ITPR2: variants seen among roughly 807,000 people sequenced by gnomAD.
The protein encoded by ITPR2 is inositol 1,4,5-trisphosphate receptor type 2, also known as inositol 1,4,5-trisphosphate-gated calcium channel ITPR2.
In ITPR2, 207 loss-of-function variants were observed where a neutral mutation model predicts 317.1. The ratio of observed to expected loss-of-function variants is 0.65; its 90% CI spans 0.58 to 0.73. ITPR2 has a LOEUF of 0.73. Among genes scored for constraint, ITPR2 ranks in the 30% least tolerant of loss-of-function variants. ITPR2 has a pLI of 0.00. For missense variants in ITPR2, 2,613 were observed against 3,284.0 expected (o/e 0.80, Z 4.99); for synonymous variants, 1,156 against 1,149.1 (o/e 1.01, Z -0.12).
intron 52 of ITPR2, among the ~76,000 whole-genome samples, chr12:26,407,137 T>TG (rs1023705614): frequency 6.6e-6 from 1 of 152,108 alleles, no homozygotes; most frequent in Non-Finnish European, 1.5e-5. Context: ...GCCTAAAAGA[T>TG]GGAGACTTTC....
chr12:26,593,740 T>TGG (rs1367818765), intron 32 of ITPR2, among the ~76,000 whole-genome samples: 16 of 28,982 alleles, frequency 5.5e-4, no homozygotes, highest in Non-Finnish European at 1.6e-3. Flanking sequence ...TTTTTTTGTT[T>TGG]TTTTTTTTGT....
At chr12:26,624,830 T>A (rs1293893359) in intron 23 of ITPR2, among the ~76,000 whole-genome samples, 1 of 151,928 alleles carries the variant, frequency 6.6e-6, no homozygotes, top group Non-Finnish European at 1.5e-5. Flanking sequence ...TAATTCTACT[T>A]CTGGGTGTAT....
chr12:26,780,750 C>T (rs1294285182), intron 2 of ITPR2, among the ~76,000 whole-genome samples: 1 of 152,164 alleles, frequency 6.6e-6, no homozygotes, highest in Non-Finnish European at 1.5e-5. Context: ...ATGGAAGTGG[C>T]ACCACTCACC....
intron 37 of ITPR2, among the ~76,000 whole-genome samples, chr12:26,501,382 T>A (rs940995157): frequency 2.0e-5 from 3 of 152,228 alleles, no homozygotes; most frequent in African/African-American, 7.2e-5. Context: ...ATCGTTATAA[T>A]CAACTATATT....
intron 37 of ITPR2, among the ~76,000 whole-genome samples, chr12:26,508,781 G>C (rs907196291): frequency 2.0e-5 from 3 of 152,198 alleles, no homozygotes; most frequent in Admixed American, 6.5e-5. Flanking sequence ...AGGATGTGGA[G>C]AAATTGGGAC....
intron 35 of ITPR2, among the ~76,000 whole-genome samples, chr12:26,557,804 C>G (rs1944704803): frequency 6.6e-6 from 1 of 152,048 alleles, no homozygotes; most frequent in Admixed American, 6.5e-5. Flanking sequence ...TCATAATTTC[C>G]TAAACATTCT....
Position 26,723,886 on chromosome 12 carries a change from C to A in ITPR2, c.366+770G>T, listed in dbSNP as rs143706105. On this transcript the variant is annotated intron_variant, in intron 4 of 56. Transcript: ENST00000381340. ...TCTAGACCTCTGATTTGGCTCTGTG[C>A]TGCGGATCTCCTAGCCAACGATGTA... Among the ~76,000 whole-genome samples, 1,191 of 152,256 alleles carry A rather than the reference C, an allele frequency of 7.8e-3. 5 individuals carry two copies. Among genetic ancestry groups the A allele is most frequent in the Non-Finnish European group, 0.014 (958 of 68,004 alleles).
intron 10 of ITPR2, among the ~76,000 whole-genome samples, chr12:26,694,835 T>C (rs878860682): frequency 6.6e-6 from 1 of 152,218 alleles, no homozygotes; most frequent in Non-Finnish European, 1.5e-5. Flanking sequence ...CATTTTGATA[T>C]GTTAAAGGTT....
Position 26,443,766 on chromosome 12 carries a change from A to G in ITPR2, c.6343-116T>C. On this transcript the variant is annotated intron_variant, in intron 45 of 56. Coordinates refer to ENST00000381340, the MANE Select transcript of ITPR2 (RefSeq NM_002223.4). ...GCTTCAGAGTCCTAGGGTTAAGGAC[A>G]ATTAGTTACACTTCAGGAAAGCATG... 3 of 626,384 alleles carry G rather than the reference A, an allele frequency of 4.8e-6. No homozygotes were observed. The East Asian group carries it at 8.8e-5, about 18-fold the overall frequency. The allele number at this position is 626,384 out of a possible 1,614,324, so 38.8% of individuals were successfully genotyped here.
chr12:26,436,298 C>T lies in ITPR2; in HGVS notation c.6692G>A (p.Ser2231Asn), dbSNP rs191665433. 1.8e-5 allele frequency: 29 copies of T among 1,613,280 alleles called. No individual in the cohort carries two copies. The Admixed American group carries it at 3.0e-4, about 17-fold the overall frequency. ...GAACACAGCCAGGTTGAAGGAAATGCTCCCCCAGAGAGAGATGTGCCTCGA... is the reference window on the plus strand; with the variant it reads ...GAACACAGCCAGGTTGAAGGAAATGTTCCCCCAGAGAGAGATGTGCCTCGA... ...WFSRHISLWG[S>N]ISFNLAVFIN... The change falls in exon 48 of 57, where the codon AGC becomes AAC. Residue 2231 changes from serine (S) to asparagine (N), a missense_variant. By Grantham distance (46) the Ser-to-Asn change is conservative (BLOSUM62 1). Coordinates refer to ENST00000381340, the MANE Select transcript of ITPR2 (RefSeq NM_002223.4).
rs540449280 is a variant in ITPR2, at chr12:26,586,304, C to T, written c.4381-6149G>A. Among the ~76,000 whole-genome samples, 7 of 151,826 alleles carry T rather than the reference C, an allele frequency of 4.6e-5. No homozygotes were observed. In the South Asian group the frequency reaches 1.3e-3, roughly 27 times the overall value. The stretch of plus-strand genomic sequence containing the variant: ...GGACTACAGGCATATACCACCATGC[C>T]GAGCTTATTTTTTTGTAGAGACAGG... On this transcript the variant is annotated intron_variant, in intron 32 of 56. Transcript: ENST00000381340.
chr12:26,350,931 C>T (rs879277710), intron 55 of ITPR2, among the ~76,000 whole-genome samples: 1 of 152,184 alleles, frequency 6.6e-6, no homozygotes, highest in Non-Finnish European at 1.5e-5. Flanking sequence ...CTGCCCATTC[C>T]CAGCCAACAG....
chr12:26,689,901 T>C (rs886659027), intron 10 of ITPR2, among the ~76,000 whole-genome samples: 1 of 152,202 alleles, frequency 6.6e-6, no homozygotes, highest in African/African-American at 2.4e-5. Context: ...TTGTTTTTAA[T>C]GATATCCCCA....
chr12:26,378,379 T>C (rs1939407107), intron 55 of ITPR2, among the ~76,000 whole-genome samples: 1 of 152,070 alleles, frequency 6.6e-6, no homozygotes, highest in African/African-American at 2.4e-5. Flanking sequence ...AAGCATGGCA[T>C]TTTTGAGAAA....
At chr12:26,467,068 A>T (rs1211592361) in intron 45 of ITPR2, among the ~76,000 whole-genome samples, 1 of 152,182 alleles carries the variant, frequency 6.6e-6, no homozygotes, top group Non-Finnish European at 1.5e-5. Flanking sequence ...AGCTGCAAAG[A>T]GGTGAAGAGC....
At chr12:26,745,698 T>C (rs912487307) in intron 2 of ITPR2, among the ~76,000 whole-genome samples, 1 of 152,136 alleles carries the variant, frequency 6.6e-6, no homozygotes, top group Non-Finnish European at 1.5e-5. Flanking sequence ...GACAGAAAGG[T>C]AGTTATAACG....
chr12:26,411,953 C>T (rs1374839892), intron 51 of ITPR2, among the ~76,000 whole-genome samples: 1 of 152,202 alleles, frequency 6.6e-6, no homozygotes, highest in East Asian at 1.9e-4. Flanking sequence ...CCCAGGAATC[C>T]ATCTGCTTCC....
rs1190746695 is a variant in ITPR2, at chr12:26,413,938, G to A, written c.7306+1365C>T. 4.6e-5 allele frequency among the ~76,000 whole-genome samples: 7 copies of A among 151,840 alleles called. No individual in the cohort carries two copies. The South Asian group carries it at 8.3e-4, about 18-fold the overall frequency. On this transcript the variant is annotated intron_variant, in intron 51 of 56. Transcript: ENST00000381340. ...CACACATTTTGAATTCATAAATTAC[G>A]ATTCAGCTTTAGACTCAATCTGTAC...
chr12:26,812,039 T>C (rs1238445694), intron 1 of ITPR2, among the ~76,000 whole-genome samples: 2 of 151,084 alleles, frequency 1.3e-5, no homozygotes, highest in African/African-American at 2.4e-5. Context: ...GGCACACACC[T>C]GTAGTCCCTG....
Sources: gnomAD v4.1 joint callset for allele counts (sites outside exome capture counted in the v4.1 genomes callset) on GRCh38, gnomAD v4.1.1 for gene constraint, MANE v1.5 for transcripts, NCBI Gene and HGNC (gene_info 2026-07-23, HGNC 2026-07-21) for gene names.